FGF7: variants seen among roughly 807,000 people sequenced by gnomAD.
FGF7 encodes the protein FGF-7.
FGF7 carries 6 observed loss-of-function variants against 20.5 expected under a neutral mutation model. That is an observed-to-expected ratio of 0.29 (90% CI 0.16 to 0.58). The LOEUF is 0.58. Among genes scored for constraint, FGF7 ranks in the 20% least tolerant of loss-of-function variants. The pLI is 0.90. For missense variants in FGF7, 144 were observed against 228.8 expected (o/e 0.63, Z 2.39); for synonymous variants, 64 against 74.7 (o/e 0.86, Z 0.74).
chr15:49,430,304 G>C (rs1461404162), intron 2 of FGF7, among the ~76,000 whole-genome samples: 1 of 151,758 alleles, frequency 6.6e-6, no homozygotes, highest in Non-Finnish European at 1.5e-5. Context: ...GTTGCAGTAG[G>C]GTACTTGAAG....
At chr15:49,464,218 G>T (rs534517735) in intron 2 of FGF7, among the ~76,000 whole-genome samples, 3 of 151,816 alleles carry the variant, frequency 2.0e-5, no homozygotes, top group Admixed American at 6.6e-5. Flanking sequence ...TTTAAAAAGC[G>T]GTGATTCTGA....
chr15:49,471,946 A>C (rs1217422309), intron 2 of FGF7, among the ~76,000 whole-genome samples: 1 of 152,132 alleles, frequency 6.6e-6, no homozygotes, highest in African/African-American at 2.4e-5. Context: ...GTTCTGGATA[A>C]GAAAGTGAAA....
chr15:49,480,176 T>C (rs1299169988), intron 2 of FGF7, among the ~76,000 whole-genome samples: 2 of 152,246 alleles, frequency 1.3e-5, no homozygotes, highest in East Asian at 1.9e-4. Flanking sequence ...TTTTTAAATA[T>C]GTCAAGCAAT....
intron 2 of FGF7, among the ~76,000 whole-genome samples, chr15:49,438,511 T>C (rs1158377339): frequency 6.6e-6 from 1 of 151,710 alleles, no homozygotes; most frequent in Non-Finnish European, 1.5e-5. Context: ...CAAAGAGTTA[T>C]CAGTCTTAGC....
chr15:49,487,984 C>G lies in FGF7; in HGVS notation c.*3480C>G, dbSNP rs1457778435. ...AATCCAACTTTACACATAAATAACACAAGGCTAAAGAAAACCAGAACTCAA... is the reference window on the plus strand; with the variant it reads ...AATCCAACTTTACACATAAATAACAGAAGGCTAAAGAAAACCAGAACTCAA... On this transcript the variant is annotated 3_prime_UTR_variant, in exon 4 of 4. Coordinates refer to ENST00000267843, the MANE Select transcript of FGF7 (RefSeq NM_002009.4). The G allele has an allele frequency of 3.3e-5, 5 of 151,850 alleles. No individual in the cohort carries two copies. Among genetic ancestry groups the G allele is most frequent in the African/African-American group, 4.8e-5 (2 of 41,366 alleles). 9.4% of individuals were successfully genotyped at this position (151,850 alleles called of 1,614,324 possible).
intron 2 of FGF7, among the ~76,000 whole-genome samples, chr15:49,444,582 T>C (rs2052003322): frequency 6.6e-6 from 1 of 151,704 alleles, no homozygotes; most frequent in Non-Finnish European, 1.5e-5. Flanking sequence ...ATAAGGTTTA[T>C]CTCAAGCTGA....
chr15:49,476,300 A>G (rs1486271366), intron 2 of FGF7, among the ~76,000 whole-genome samples: 1 of 150,800 alleles, frequency 6.6e-6, no homozygotes, highest in African/African-American at 2.4e-5. Context: ...GTGGAAAAAG[A>G]AAATACTAAC....
intron 2 of FGF7, among the ~76,000 whole-genome samples, chr15:49,469,675 G>A (rs1419882642): frequency 6.6e-6 from 1 of 152,018 alleles, no homozygotes; most frequent in Non-Finnish European, 1.5e-5. Context: ...AGTAGCCAAG[G>A]AACTTCATTT....
intron 2 of FGF7, among the ~76,000 whole-genome samples, chr15:49,446,173 C>T (rs113339027): frequency 0.023 from 3,512 of 151,600 alleles, 84 homozygotes; most frequent in South Asian, 0.13. Context: ...GAAGGCTTCA[C>T]TCACTGATAA....
chr15:49,443,992 G>A (rs72727293), intron 2 of FGF7, among the ~76,000 whole-genome samples: 1,635 of 151,718 alleles, frequency 0.011, 20 homozygotes, highest in East Asian at 0.05. Flanking sequence ...ACTTTTGAGA[G>A]TAAAAGATTG....
chr15:49,437,388 C>A (rs1025584301), intron 2 of FGF7, among the ~76,000 whole-genome samples: 1 of 151,588 alleles, frequency 6.6e-6, no homozygotes, highest in African/African-American at 2.4e-5. Context: ...TAGGTTCTTT[C>A]TTTTGTCCAT....
At chr15:49,445,902 A>G (rs1398866599) in intron 2 of FGF7, among the ~76,000 whole-genome samples, 2 of 151,596 alleles carry the variant, frequency 1.3e-5, no homozygotes, top group Admixed American at 6.6e-5. Context: ...CTAGACAAAC[A>G]TATCTATACT....
chr15:49,475,725 T>C (rs544436446), intron 2 of FGF7, among the ~76,000 whole-genome samples: 48 of 152,312 alleles, frequency 3.2e-4, no homozygotes, highest in Admixed American at 5.2e-4. Flanking sequence ...CGGTGGCTTA[T>C]ACTTGTAATC....
chr15:49,481,234 A>C (rs1341759841), intron 2 of FGF7, among the ~76,000 whole-genome samples: 1 of 152,328 alleles, frequency 6.6e-6, no homozygotes, highest in East Asian at 1.9e-4. Flanking sequence ...TTTTGTCATA[A>C]AAGTAATGGC....
chr15:49,473,302 G>A (rs1181387216), intron 2 of FGF7, among the ~76,000 whole-genome samples: 1 of 152,072 alleles, frequency 6.6e-6, no homozygotes, highest in Non-Finnish European at 1.5e-5. Flanking sequence ...ATTGTCATAT[G>A]CTGCTAAATT....
At chr15:49,435,059 G>T (rs757550256) in intron 2 of FGF7, among the ~76,000 whole-genome samples, 8 of 151,246 alleles carry the variant, frequency 5.3e-5, no homozygotes, top group Non-Finnish European at 3.0e-5. Context: ...TGTTCATTTC[G>T]AACACATACA....
intron 2 of FGF7, among the ~76,000 whole-genome samples, chr15:49,459,913 G>A (rs902368986): frequency 6.6e-5 from 10 of 152,166 alleles, no homozygotes; most frequent in African/African-American, 2.2e-4. Context: ...ATGGGCAAAT[G>A]CCACACATTA....
Position 49,475,927 on chromosome 15 carries a change from C to T in FGF7, c.287-7224C>T, listed in dbSNP as rs138343431. On this transcript the variant is annotated intron_variant, in intron 2 of 3. Transcript: ENST00000267843. ...TGCTTGATCCTGGGAGGTTCAAGAC[C>T]CTTGACAATTTGGCCCTAACTCTTT... Among the ~76,000 whole-genome samples the T allele has an allele frequency of 9.9e-3, 1,500 of 152,200 alleles. 28 individuals are homozygous for T. Among genetic ancestry groups the T allele is most frequent in the African/African-American group, 0.034 (1,421 of 41,540 alleles).
intron 2 of FGF7, among the ~76,000 whole-genome samples, chr15:49,451,681 T>G (rs1193504443): frequency 1.3e-5 from 2 of 152,134 alleles, no homozygotes; most frequent in Non-Finnish European, 2.9e-5. Context: ...AACTCTAATT[T>G]TTATGTACGT....
Sources: gnomAD v4.1 joint callset for allele counts (sites outside exome capture counted in the v4.1 genomes callset) on GRCh38, gnomAD v4.1.1 for gene constraint, MANE v1.5 for transcripts, NCBI Gene and HGNC (gene_info 2026-07-23, HGNC 2026-07-21) for gene names.